PDE4B: variants seen among roughly 807,000 people sequenced by gnomAD.
The protein encoded by PDE4B is 3',5'-cyclic-AMP phosphodiesterase 4B.
Under a neutral mutation model 82.2 loss-of-function variants are expected in PDE4B, and 20 were observed. The observed-to-expected ratio is 0.24, with a 90% CI of 0.17 to 0.35. The LOEUF is 0.35. Ranked by LOEUF, PDE4B falls within the 10% of genes least tolerant of loss-of-function variation. The probability of loss-of-function intolerance (pLI) is 1.00; values close to 1 mark genes in which losing one functional copy is unlikely to be tolerated. For synonymous variants in PDE4B, 320 were observed against 318.9 expected (o/e 1.00, Z -0.04); for missense variants, 655 against 907.2 (o/e 0.72, Z 3.57).
At chr1:66,301,747 T>C (rs1206778464) in intron 7 of PDE4B, among the ~76,000 whole-genome samples, 1 of 152,172 alleles carries the variant, frequency 6.6e-6, no homozygotes, top group Non-Finnish European at 1.5e-5. Context: ...CTATAGCTTT[T>C]TCTCCCAGCA....
intron 3 of PDE4B, among the ~76,000 whole-genome samples, chr1:66,198,040 C>A (rs1369545331): frequency 6.6e-6 from 1 of 152,122 alleles, no homozygotes; most frequent in Non-Finnish European, 1.5e-5. Context: ...ATGACTGCTA[C>A]AAGTAAGTAC....
chr1:66,124,266 C>T (rs1367189609), intron 3 of PDE4B, among the ~76,000 whole-genome samples: 2 of 152,140 alleles, frequency 1.3e-5, no homozygotes, highest in African/African-American at 4.8e-5. Flanking sequence ...GGAAAATGAT[C>T]ATTTTCCTTT....
intron 3 of PDE4B, among the ~76,000 whole-genome samples, chr1:66,180,058 G>A (rs900343027): frequency 6.6e-6 from 1 of 152,130 alleles, no homozygotes; most frequent in Non-Finnish European, 1.5e-5. Context: ...TTCAAACACA[G>A]CATGCCATTG....
chr1:65,942,009 CAA>C (rs554948924), intron 3 of PDE4B, among the ~76,000 whole-genome samples: 244 of 152,178 alleles, frequency 1.6e-3, no homozygotes, highest in African/African-American at 5.5e-3. Flanking sequence ...CACTATTTTT[CAA>C]AGTCAAATTA....
intron 7 of PDE4B, among the ~76,000 whole-genome samples, chr1:66,276,712 C>A (rs971819985): frequency 6.6e-6 from 1 of 152,174 alleles, no homozygotes; most frequent in Non-Finnish European, 1.5e-5. Flanking sequence ...ACTGAGGATG[C>A]TGTGATGAAG....
chr1:65,887,420 T>TTTG (rs1409014803), intron 1 of PDE4B, among the ~76,000 whole-genome samples: 2 of 60,808 alleles, frequency 3.3e-5, no homozygotes, highest in Non-Finnish European at 6.0e-5. Context: ...TTCTGTTTTT[T>TTTG]TTTTTTTTTT....
At chr1:65,823,134 GTGCC>G (rs1645973432) in intron 1 of PDE4B, among the ~76,000 whole-genome samples, 1 of 151,632 alleles carries the variant, frequency 6.6e-6, no homozygotes, top group African/African-American at 2.4e-5. Context: ...ACAGTGGCTC[GTGCC>G]TATAGTCCCA....
intron 3 of PDE4B, among the ~76,000 whole-genome samples, chr1:66,233,776 G>A (rs1188900623): frequency 6.6e-6 from 1 of 151,984 alleles, no homozygotes; most frequent in African/African-American, 2.4e-5. Context: ...GTGATTACAT[G>A]TATGTTGGTT....
At chr1:66,066,509 A>G (rs1227186345) in intron 3 of PDE4B, among the ~76,000 whole-genome samples, 1 of 151,938 alleles carries the variant, frequency 6.6e-6, no homozygotes, top group Non-Finnish European at 1.5e-5. Flanking sequence ...ATCACACTTT[A>G]GCACCGGCTC....
intron 3 of PDE4B, among the ~76,000 whole-genome samples, chr1:66,056,381 C>G (rs889743635): frequency 2.0e-5 from 3 of 151,198 alleles, no homozygotes; most frequent in Non-Finnish European, 4.4e-5. Context: ...ACATGCAATG[C>G]TAATTGCTTT....
intron 3 of PDE4B, among the ~76,000 whole-genome samples, chr1:65,986,781 G>A (rs560757398): frequency 3.3e-5 from 5 of 152,190 alleles, no homozygotes; most frequent in African/African-American, 1.2e-4. Context: ...AAGTAATATC[G>A]ACTATGATAA....
At chr1:65,847,654 T>C (rs1286424677) in intron 1 of PDE4B, among the ~76,000 whole-genome samples, 1 of 152,180 alleles carries the variant, frequency 6.6e-6, no homozygotes, top group Admixed American at 6.6e-5. Context: ...ACAACTGAAA[T>C]CATTGTCCTT....
chr1:65,830,780 AGT>A (rs1646073640), intron 1 of PDE4B, among the ~76,000 whole-genome samples: 1 of 152,152 alleles, frequency 6.6e-6, no homozygotes. Context: ...TGGACATACT[AGT>A]GAAATTTGAG....
Position 66,134,474 on chromosome 1 carries a change from G to T in PDE4B, c.282-112986G>T, listed in dbSNP as rs1188126199. 2.0e-5 allele frequency among the ~76,000 whole-genome samples: 3 copies of T among 152,130 alleles called. No homozygotes were observed. The East Asian group carries it at 5.8e-4, about 29-fold the overall frequency. ...GAGGAAACTCCTACTCATGTTATCA[G>T]ACACTGTATGCCTTATTTTACATAT... On this transcript the variant is annotated intron_variant, in intron 3 of 16. Transcript: ENST00000341517.
Position 66,330,907 on chromosome 1 carries a change from AAG to A in PDE4B, c.635-1598_635-1597del, listed in dbSNP as rs569515824. ...CTCAATTCTTGTCTGCACATTTTTG[AAG>A]AGTGTGAAAAAAAAATGGAGGAAGT... On this transcript the variant is annotated intron_variant, in intron 7 of 16. Coordinates refer to ENST00000341517, the MANE Select transcript of PDE4B (RefSeq NM_002600.4). 5.7e-4 allele frequency: 285 copies of A among 502,030 alleles called. 1 individual carries two copies. Among genetic ancestry groups the A allele is most frequent in the African/African-American group, 5.4e-3 (261 of 47,962 alleles). 31.1% of individuals were successfully genotyped at this position (502,030 alleles called of 1,614,324 possible). A position where few individuals can be genotyped will look rare whatever the true frequency, so the allele number is the denominator to read the frequency against.
chr1:66,310,183 T>A (rs1658568443), intron 7 of PDE4B, among the ~76,000 whole-genome samples: 1 of 152,136 alleles, frequency 6.6e-6, no homozygotes, highest in East Asian at 1.9e-4. Flanking sequence ...TTTAGAATAA[T>A]GGAACATATG....
rs1041668726 is a variant in PDE4B at position 66,333,200 on chromosome 1, T to C, written c.747+580T>C. Among the ~76,000 whole-genome samples, 24 of 152,364 alleles carry C rather than the reference T, an allele frequency of 1.6e-4. No homozygotes were observed. The East Asian group carries it at 4.0e-3, about 26-fold the overall frequency. On this transcript the variant is annotated intron_variant, in intron 8 of 16. Transcript: ENST00000341517. ...TGTCTCCAAAACCAGAGGTTTTCTTTAAGTTTGCTGATTTTCATAGTGAAA... is the reference window on the plus strand; with the variant it reads ...TGTCTCCAAAACCAGAGGTTTTCTTCAAGTTTGCTGATTTTCATAGTGAAA...
chr1:66,127,575 T>C (rs1645849175), intron 3 of PDE4B, among the ~76,000 whole-genome samples: 1 of 152,170 alleles, frequency 6.6e-6, no homozygotes, highest in Non-Finnish European at 1.5e-5. Context: ...TCAGAATTAG[T>C]CTTAACCTGT....
chr1:66,044,418 A>T (rs1654569390), intron 3 of PDE4B, among the ~76,000 whole-genome samples: 1 of 151,742 alleles, frequency 6.6e-6, no homozygotes, highest in Non-Finnish European at 1.5e-5. Flanking sequence ...ATGAAAAGAC[A>T]TATGTTTTAG....
Sources: allele counts gnomAD v4.1 joint callset (sites outside exome capture counted in the v4.1 genomes callset), GRCh38; gene constraint gnomAD v4.1.1; transcripts MANE v1.5; gene names NCBI Gene and HGNC (gene_info 2026-07-23, HGNC 2026-07-21).